Variants in GLDN observed in about 807,000 individuals in gnomAD.
The protein encoded by GLDN is gliomedin, also known as collomin.
Under a neutral mutation model 56.5 loss-of-function variants are expected in GLDN, and 47 were observed. That is an observed-to-expected ratio of 0.83 (90% CI 0.66 to 1.06). The LOEUF (loss-of-function observed/expected upper bound fraction) is 1.06. Among genes scored for constraint, GLDN ranks in the 50% least tolerant of loss-of-function variants. The probability of loss-of-function intolerance (pLI) is 0.00; values close to 1 mark genes in which losing one functional copy is unlikely to be tolerated. For missense variants in GLDN, 782 were observed against 714.3 expected (o/e 1.09, Z -1.08); for synonymous variants, 332 against 278.8 (o/e 1.19, Z -1.90).
rs116874084 is a variant in GLDN, at chr15:51,368,231, G to C, written c.364-9218G>C. ...TGGTGCTGAGAAAGGGAATGGATAA[G>C]TGAATGTGGCAAACAGAAAAAGGAC... On this transcript the variant is annotated intron_variant, in intron 1 of 9. Transcript: ENST00000335449. Among the ~76,000 whole-genome samples, 47 of 152,248 alleles carry C rather than the reference G, an allele frequency of 3.1e-4. 1 individual carries two copies. The East Asian group carries it at 9.1e-3, about 29-fold the overall frequency.
chr15:51,388,004 G>A (rs563096097), intron 4 of GLDN, among the ~76,000 whole-genome samples: 5 of 152,132 alleles, frequency 3.3e-5, no homozygotes, highest in East Asian at 1.9e-4. Flanking sequence ...ACCTTTGCAC[G>A]AGTACTGCTA....
intron 1 of GLDN, among the ~76,000 whole-genome samples, chr15:51,377,026 T>C (rs947942632): frequency 6.6e-5 from 10 of 152,218 alleles, no homozygotes; most frequent in African/African-American, 2.2e-4. Flanking sequence ...GGAAACTTTT[T>C]AAAAAGATTT....
At chr15:51,386,389 C>T (rs572919055) in intron 4 of GLDN, among the ~76,000 whole-genome samples, 3 of 152,292 alleles carry the variant, frequency 2.0e-5, no homozygotes, top group African/African-American at 7.2e-5. Flanking sequence ...GTTCACACTG[C>T]TGAGGCCCCG....
In GLDN at chr15:51,347,416, A is replaced by AT. The variant is rs1481371871; in HGVS notation, c.363+5377dup. 1.1e-4 allele frequency among the ~76,000 whole-genome samples: 17 copies of AT among 152,046 alleles called. No homozygotes were observed. The East Asian group carries it at 1.7e-3, about 16-fold the overall frequency. On this transcript the variant is annotated intron_variant, in intron 1 of 9. Transcript: ENST00000335449. Reference sequence around the variant, plus strand: ...TAAAACATTATAAGATTTTTTTGCGATTTTTTTTCCTTTTAGCTCATCCGT... The same window carrying AT: ...TAAAACATTATAAGATTTTTTTGCGATTTTTTTTTCCTTTTAGCTCATCCGT...
At chr15:51,368,694 T>G (rs1186880004) in intron 1 of GLDN, among the ~76,000 whole-genome samples, 1 of 152,032 alleles carries the variant, frequency 6.6e-6, no homozygotes, top group East Asian at 1.9e-4. Context: ...AGTCTCAAAT[T>G]TACAGCAGTT....
intron 1 of GLDN, among the ~76,000 whole-genome samples, chr15:51,370,994 C>CA (rs1390973485): frequency 6.6e-6 from 1 of 151,052 alleles, no homozygotes; most frequent in Non-Finnish European, 1.5e-5. Flanking sequence ...GACTCCATCT[C>CA]AAAAAATAAA....
chr15:51,341,841 G>A lies in GLDN; in HGVS notation c.157G>A (p.Ala53Thr). Reference sequence around the variant, plus strand: ...GAGCTCGGCGCTGCGGGCTTTGGAGGCGCAGCGGGGCCGGGAGCAGCGCGA... The same window carrying A: ...GAGCTCGGCGCTGCGGGCTTTGGAGACGCAGCGGGGCCGGGAGCAGCGCGA... ...GLSSALRALE[A>T]QRGREQREDS... Residue 53 changes from alanine to threonine, a missense_variant, in exon 1 of 10, where the codon GCG becomes ACG. Physicochemically the swap from Ala to Thr is moderately conservative, Grantham distance 58. Coordinates refer to ENST00000335449, the MANE Select transcript of GLDN (RefSeq NM_181789.4). The A allele has an allele frequency of 6.6e-7, 1 of 1,520,882 alleles. No individual in the cohort carries two copies. The highest frequency in any genetic ancestry group is 8.8e-7 in the Non-Finnish European group (1 of 1,142,754). 94.2% of individuals were successfully genotyped at this position (1,520,882 alleles called of 1,614,324 possible).
At chr15:51,352,808 G>A (rs944154340) in intron 1 of GLDN, among the ~76,000 whole-genome samples, 5 of 152,090 alleles carry the variant, frequency 3.3e-5, no homozygotes, top group Non-Finnish European at 7.4e-5. Context: ...AGCTTCCCTC[G>A]TTCTTTCCTC....
At chr15:51,350,133 G>A (rs117759377) in intron 1 of GLDN, among the ~76,000 whole-genome samples, 2,142 of 152,282 alleles carry the variant, frequency 0.014, 21 homozygotes, top group Non-Finnish European at 0.023. Flanking sequence ...CAAGGAGATG[G>A]AATGCAAGAC....
chr15:51,400,378 A>G lies in GLDN; in HGVS notation c.907A>G (p.Met303Val), dbSNP rs756672506. The G allele has an allele frequency of 1.9e-6, 3 of 1,614,192 alleles. No homozygotes were observed. Among genetic ancestry groups the G allele is most frequent in the Non-Finnish European group, 2.5e-6 (3 of 1,180,022 alleles). Residue 303 changes from methionine (M) to valine (V), a missense_variant, in exon 8 of 10, where the codon ATG (methionine) becomes GTG (valine). By Grantham distance (21) the Met-to-Val change is conservative (BLOSUM62 1). Coordinates refer to ENST00000335449, the MANE Select transcript of GLDN (RefSeq NM_181789.4). ...CTTTTCTCTTCTTTTGGCAGAATCCATGATCACTTCCATTGGAAACCCAGT... is the reference window on the plus strand; with the variant it reads ...CTTTTCTCTTCTTTTGGCAGAATCCGTGATCACTTCCATTGGAAACCCAGT... ...SEHHSPQAES[M>V]ITSIGNPVQV...
chr15:51,377,801 G>A (rs77537053), intron 2 of GLDN, among the ~76,000 whole-genome samples: 15,811 of 152,190 alleles, frequency 0.1, 1,617 homozygotes, highest in African/African-American at 0.26. Context: ...AAAGGGGAAA[G>A]AAAGGAAGGG....
rs140447616 is a variant in GLDN at position 51,381,353 on chromosome 15, T to C, written c.416-2083T>C. Among the ~76,000 whole-genome samples the C allele has an allele frequency of 1.4e-3, 214 of 152,286 alleles. 2 individuals are homozygous for C. The highest frequency in any genetic ancestry group is 5.1e-3 in the African/African-American group (210 of 41,550). ...CTCCCTCTGTCGTCGCGAACGATGA[T>C]TAATTGATTTCCTCTGACCTCTGTT... On this transcript the variant is annotated intron_variant, in intron 2 of 9. Transcript: ENST00000335449.
In GLDN at chr15:51,405,589, C is replaced by T. The variant is rs2038362553; in HGVS notation, c.*835C>T. ...GAATCATGATCTTCCAGGTTCCCCCCAGTTTCTGATCATGTTGATTTGTAG... is the reference window on the plus strand; with the variant it reads ...GAATCATGATCTTCCAGGTTCCCCCTAGTTTCTGATCATGTTGATTTGTAG... On this transcript the variant is annotated 3_prime_UTR_variant, in exon 10 of 10. Transcript: ENST00000335449. 2 of 152,194 alleles carry T rather than the reference C, an allele frequency of 1.3e-5. No individual in the cohort carries two copies. The highest frequency in any genetic ancestry group is 1.3e-4 in the Admixed American group (2 of 15,282). The allele number at this position is 152,194 out of a possible 1,614,324, so 9.4% of individuals were successfully genotyped here. A position where few individuals can be genotyped will look rare whatever the true frequency, so the allele number is the denominator to read the frequency against.
Position 51,397,510 on chromosome 15 carries a change from C to G in GLDN, c.729C>G (p.Pro243=), listed in dbSNP as rs753424904. ...AAGGCCCACCCGGTCCACCTGGGCCCCCAGGCCCTCCAGGTCCTCCAGGGC... is the reference window on the plus strand; with the variant it reads ...AAGGCCCACCCGGTCCACCTGGGCCGCCAGGCCCTCCAGGTCCTCCAGGGC... The part of the protein sequence containing the change: ...GDQGPPGPPG[P]PGPPGPPGPP... Residue 243 remains proline, a synonymous_variant, in exon 6 of 10, where the codon CCC becomes CCG. Coordinates refer to ENST00000335449, the MANE Select transcript of GLDN (RefSeq NM_181789.4). The G allele has an allele frequency of 6.9e-6, 11 of 1,591,166 alleles. No homozygotes were observed. The East Asian group carries it at 2.3e-4, about 34-fold the overall frequency.
At chr15:51,345,846 T>A (rs954348305) in intron 1 of GLDN, among the ~76,000 whole-genome samples, 1 of 152,226 alleles carries the variant, frequency 6.6e-6, no homozygotes, top group Non-Finnish European at 1.5e-5. Flanking sequence ...GAAAATCTGT[T>A]GATAACCTAC....
chr15:51,368,793 A>G (rs776683634), intron 1 of GLDN, among the ~76,000 whole-genome samples: 3 of 152,180 alleles, frequency 2.0e-5, no homozygotes, highest in East Asian at 1.9e-4. Context: ...GCATATGACT[A>G]TGTAAGCTGA....
In GLDN at chr15:51,404,395, G is replaced by A. The variant is rs749671898; in HGVS notation, c.1297G>A (p.Gly433Ser). 26 of 1,613,904 alleles carry A rather than the reference G, an allele frequency of 1.6e-5. No individual in the cohort carries two copies. In the African/African-American group the frequency reaches 3.2e-4, roughly 20 times the overall value. The change falls in exon 10 of 10, where the codon GGC becomes AGC. Residue 433 changes from glycine (G) to serine (S), a missense_variant. Transcript: ENST00000335449. ...CTTCAATCTAGCTGTAGATGAAAAG[G>A]GCCTTTGGATTATCTATGCGTCAAG... ...TYFNLAVDEKGLWIIYASSVD... is the reference protein window; with the variant it reads ...TYFNLAVDEKSLWIIYASSVD...
intron 2 of GLDN, 106 bp from the exon 3 acceptor site, chr15:51,383,330 C>A: frequency 8.3e-7 from 1 of 1,200,056 alleles, no homozygotes; most frequent in Non-Finnish European, 1.2e-6. Context: ...GGTGTCAAAT[C>A]CATTGCTTAG....
At chr15:51,380,906 C>T (rs144993592) in intron 2 of GLDN, among the ~76,000 whole-genome samples, 285 of 152,326 alleles carry the variant, frequency 1.9e-3, no homozygotes, top group Non-Finnish European at 3.6e-3. Context: ...AAAATTTTCA[C>T]ACCACATCAG....
Sources: allele counts gnomAD v4.1 joint callset (sites outside exome capture counted in the v4.1 genomes callset), GRCh38; gene constraint gnomAD v4.1.1; transcripts MANE v1.5; gene names NCBI Gene and HGNC (gene_info 2026-07-23, HGNC 2026-07-21).